The following CPS1 variants were observed in gnomAD, a reference collection of about 807,000 sequenced individuals.
The protein encoded by CPS1 is carbamoyl-phosphate synthase [ammonia], mitochondrial.
CPS1 carries 109 observed loss-of-function variants against 174.6 expected under a neutral mutation model. The observed-to-expected ratio is 0.62, with a 90% CI of 0.53 to 0.73. The LOEUF is 0.73. Ranked by LOEUF, CPS1 falls within the 30% of genes least tolerant of loss-of-function variation. The probability of loss-of-function intolerance (pLI) is 0.00; values close to 1 mark genes in which losing one functional copy is unlikely to be tolerated. For missense variants in CPS1, 1,689 were observed against 1,821.9 expected, an observed-to-expected ratio of 0.93 and a Z score of 1.33; for synonymous variants, 637 against 632.0, an observed-to-expected ratio of 1.01 and a Z score of -0.12.
chr2:210,609,555 T>C (rs1336000150), intron 19 of CPS1, among the ~76,000 whole-genome samples: 1 of 152,002 alleles, frequency 6.6e-6, no homozygotes, highest in Non-Finnish European at 1.5e-5. Context: ...TATTCATAAA[T>C]GTTGCATGGG....
At chr2:210,542,101 G>C (rs1001353936) in intron 1 of CPS1, among the ~76,000 whole-genome samples, 1 of 152,014 alleles carries the variant, frequency 6.6e-6, no homozygotes, top group Non-Finnish European at 1.5e-5. Flanking sequence ...TTAAAATCTA[G>C]GGTCTACCAT....
At chr2:210,486,104 A>T (rs1385480758) in intron 1 of CPS1, among the ~76,000 whole-genome samples, 2 of 92,058 alleles carry the variant, frequency 2.2e-5, no homozygotes, top group East Asian at 3.3e-4. Flanking sequence ...ATATATATAT[A>T]CACACACACA....
At position 210,582,718 on chromosome 2, in the gene CPS1, T is replaced by G. The variant is rs2106092218; in HGVS notation, c.621+9T>G. On this transcript the variant is annotated intron_variant, in intron 6 of 37. Coordinates refer to ENST00000233072, the MANE Select transcript of CPS1 (RefSeq NM_001875.5). The stretch of plus-strand genomic sequence containing the variant: ...CTGAGGTTTCAACCAAGGTGAGGGG[T>G]TTTCCTTTATATTTTGTAGTTTTAT... 1 of 1,595,266 alleles carries G rather than the reference T, an allele frequency of 6.3e-7. No individual in the cohort carries two copies. Among genetic ancestry groups the G allele is most frequent in the South Asian group, 1.1e-5 (1 of 90,720 alleles).
chr2:210,662,072 C>A (rs1432003883), intron 32 of CPS1, among the ~76,000 whole-genome samples: 2 of 151,494 alleles, frequency 1.3e-5, no homozygotes, highest in East Asian at 2.0e-4. Context: ...CATGCCACCA[C>A]GCCCAGCTAA....
intron 34 of CPS1, among the ~76,000 whole-genome samples, chr2:210,669,357 T>C (rs1701216526): frequency 6.6e-6 from 1 of 152,158 alleles, no homozygotes; most frequent in Non-Finnish European, 1.5e-5. Context: ...GATTAGTAAT[T>C]CTTGGGTCCT....
chr2:210,480,969 G>T (rs956631374), intron 1 of CPS1, among the ~76,000 whole-genome samples: 1 of 152,166 alleles, frequency 6.6e-6, no homozygotes, highest in Non-Finnish European at 1.5e-5. Context: ...TACACCAAGC[G>T]CACTATGGAA....
At chr2:210,553,674 A>C (rs1696788204), upstream of CPS1, among the ~76,000 whole-genome samples, 1 of 152,006 alleles carries the variant, frequency 6.6e-6, no homozygotes, top group Non-Finnish European at 1.5e-5. Flanking sequence ...ACATGTGGTC[A>C]GAGAAGAAAA....
At chr2:210,571,005 A>G (rs914273995) in intron 1 of CPS1, among the ~76,000 whole-genome samples, 1 of 152,028 alleles carries the variant, frequency 6.6e-6, no homozygotes, top group Non-Finnish European at 1.5e-5. Flanking sequence ...CTAGCAAATT[A>G]AAACAAAATT....
At chr2:210,619,340 T>C (rs1419773372) in intron 21 of CPS1, 1 of 152,120 alleles carries the variant, frequency 6.6e-6, no homozygotes, top group African/African-American at 2.4e-5. Flanking sequence ...TCTCTGCTTC[T>C]AGTTTTTTTG....
intron 1 of CPS1, among the ~76,000 whole-genome samples, chr2:210,563,291 C>CT (rs919405189): frequency 6.6e-6 from 1 of 151,928 alleles, no homozygotes; most frequent in Non-Finnish European, 1.5e-5. Flanking sequence ...TTTTCCTTTT[C>CT]TTTTTTTGAG....
intron 1 of CPS1, among the ~76,000 whole-genome samples, chr2:210,523,198 C>T (rs915053954): frequency 6.6e-6 from 1 of 151,982 alleles, no homozygotes; most frequent in South Asian, 2.1e-4. Flanking sequence ...CTGGACCTCA[C>T]TGTCTGTAGA....
At chr2:210,543,287 A>T (rs1696479460) in intron 1 of CPS1, among the ~76,000 whole-genome samples, 1 of 152,068 alleles carries the variant, frequency 6.6e-6, no homozygotes, top group South Asian at 2.1e-4. Context: ...ATGACTTCCT[A>T]TTGCACTATA....
chr2:210,643,282 C>T (rs1437667588), intron 25 of CPS1, among the ~76,000 whole-genome samples: 1 of 152,070 alleles, frequency 6.6e-6, no homozygotes, highest in African/African-American at 2.4e-5. Context: ...CATGTGATTG[C>T]AGATTACTAT....
intron 6 of CPS1, among the ~76,000 whole-genome samples, chr2:210,586,659 C>G (rs888226732): frequency 6.6e-6 from 1 of 151,990 alleles, no homozygotes; most frequent in African/African-American, 2.4e-5. Flanking sequence ...TTCTTATGGA[C>G]AGTATTTAAT....
chr2:210,509,060 T>A (rs1338560725), intron 1 of CPS1, among the ~76,000 whole-genome samples: 1 of 152,126 alleles, frequency 6.6e-6, no homozygotes, highest in African/African-American at 2.4e-5. Context: ...TACCAAAGCC[T>A]GGCAGAGACA....
intron 13 of CPS1, 85 bp downstream of exon 13, chr2:210,595,667 A>C: frequency 1.1e-6 from 1 of 922,648 alleles, no homozygotes; most frequent in Non-Finnish European, 1.7e-6. Context: ...TTATGACACT[A>C]CCTCTTTTCA....
intron 3 of CPS1, 135 bp from the exon 4 acceptor site, chr2:210,577,286 T>A: frequency 1.4e-6 from 1 of 719,686 alleles, no homozygotes; most frequent in South Asian, 1.6e-5. Context: ...TTTTTTTTTT[T>A]TGCCTCTTGT....
In CPS1 at chr2:210,612,302, T is replaced by C. The variant is rs752578602; in HGVS notation, c.2568+9T>C. Reference sequence around the variant, plus strand: ...TCTATGCCATTGCCAAGGTAAGATGTTACAAGGGGCCCACAGCTACTAGTT... The same window carrying C: ...TCTATGCCATTGCCAAGGTAAGATGCTACAAGGGGCCCACAGCTACTAGTT... On this transcript the variant is annotated intron_variant, in intron 20 of 37. Coordinates refer to ENST00000233072, the MANE Select transcript of CPS1 (RefSeq NM_001875.5). 2.0e-5 allele frequency: 33 copies of C among 1,611,476 alleles called. 1 individual carries two copies. The South Asian group carries it at 3.5e-4, about 17-fold the overall frequency.
chr2:210,600,578 G>A lies in CPS1; in HGVS notation c.1573G>A (p.Val525Met). The change falls in exon 15 of 38, where the codon GTG becomes ATG. Residue 525 changes from valine (V) to methionine (M), a missense_variant. Transcript: ENST00000233072. ...AGGAGTGGAACTATTCAAGAGAGGT[G>A]TGCTCAAGGAATATGGTGTGAAAGT... ...NCGVELFKRGVLKEYGVKVLG... is the reference protein window; with the variant it reads ...NCGVELFKRGMLKEYGVKVLG... The A allele has an allele frequency of 6.2e-7, 1 of 1,612,118 alleles. No individual in the cohort carries two copies. The highest frequency in any genetic ancestry group is 1.3e-5 in the African/African-American group (1 of 74,854).
Sources: gnomAD v4.1 joint callset for allele counts (sites outside exome capture counted in the v4.1 genomes callset) on GRCh38, gnomAD v4.1.1 for gene constraint, MANE v1.5 for transcripts, NCBI Gene and HGNC (gene_info 2026-07-23, HGNC 2026-07-21) for gene names.